The following RAB1A variants were observed in gnomAD, a reference collection of about 807,000 sequenced individuals.
RAB1A encodes the protein RAB1A, member RAS oncogene family, also known as ras-related protein Rab-1A.
Under a neutral mutation model 26.0 loss-of-function variants are expected in RAB1A, and 2 were observed. That is an observed-to-expected ratio of 0.08 (90% CI 0.03 to 0.24). The LOEUF is 0.24. Ranked by LOEUF, RAB1A falls within the 10% of genes least tolerant of loss-of-function variation. The pLI, the probability that RAB1A is intolerant of heterozygous loss-of-function variation, is 1.00. For missense variants in RAB1A, 100 were observed against 247.0 expected, an observed-to-expected ratio of 0.40 and a Z score of 3.99; for synonymous variants, 84 against 84.9, an observed-to-expected ratio of 0.99 and a Z score of 0.06.
intron 3 of RAB1A, among the ~76,000 whole-genome samples, chr2:65,093,948 C>T (rs1669227330): frequency 6.7e-6 from 1 of 148,688 alleles, no homozygotes; most frequent in Non-Finnish European, 1.5e-5. Flanking sequence ...AAACACCAGT[C>T]ACAGAAGTGT....
At chr2:65,101,148 A>AG (rs1436033459) in intron 2 of RAB1A, among the ~76,000 whole-genome samples, 2 of 151,246 alleles carry the variant, frequency 1.3e-5, no homozygotes, top group Non-Finnish European at 2.9e-5. Context: ...TCCATCTCAA[A>AG]AAAAAAAAGA....
chr2:65,117,463 G>A (rs528342458), intron 1 of RAB1A, among the ~76,000 whole-genome samples: 1 of 152,316 alleles, frequency 6.6e-6, no homozygotes, highest in African/African-American at 2.4e-5. Context: ...CTCCCAAAGT[G>A]CTGGGATTAC....
intron 1 of RAB1A, among the ~76,000 whole-genome samples, chr2:65,117,616 G>C (rs1282250718): frequency 2.0e-5 from 3 of 152,044 alleles, no homozygotes; most frequent in Non-Finnish European, 2.9e-5. Flanking sequence ...ACCTAGGCTA[G>C]AGTGCAGTGA....
chr2:65,099,326 A>G (rs187414833), intron 2 of RAB1A, among the ~76,000 whole-genome samples: 2 of 152,380 alleles, frequency 1.3e-5, no homozygotes, highest in Middle Eastern at 3.4e-3. Context: ...TTTTAAAATT[A>G]TAACTGCTTC....
At chr2:65,124,145 G>A (rs113129671) in intron 1 of RAB1A, among the ~76,000 whole-genome samples, 5 of 151,962 alleles carry the variant, frequency 3.3e-5, no homozygotes, top group South Asian at 2.1e-4. Context: ...ACACCACCAC[G>A]CCTAGCTAAT....
chr2:65,097,204 A>T (rs1669309118), intron 3 of RAB1A, among the ~76,000 whole-genome samples: 1 of 152,182 alleles, frequency 6.6e-6, no homozygotes, highest in South Asian at 2.1e-4. Context: ...ACTCTGAAAA[A>T]TACTGAGAGA....
chr2:65,123,682 C>T (rs184847978), intron 1 of RAB1A, among the ~76,000 whole-genome samples: 2,206 of 151,704 alleles, frequency 0.015, 23 homozygotes, highest in Non-Finnish European at 0.02. Flanking sequence ...AAAAATTAGC[C>T]GGGTGTGGTG....
At chr2:65,118,570 C>T (rs1205089336) in intron 1 of RAB1A, among the ~76,000 whole-genome samples, 1 of 152,098 alleles carries the variant, frequency 6.6e-6, no homozygotes, top group East Asian at 1.9e-4. Context: ...CTCTGCCTCC[C>T]GGGTTCAAGC....
rs569696724 is a variant in RAB1A, at chr2:65,108,757, G to A, written c.24-3951C>T. 1.4e-4 allele frequency among the ~76,000 whole-genome samples: 22 copies of A among 152,192 alleles called. No homozygotes were observed. The South Asian group carries it at 4.4e-3, about 30-fold the overall frequency. On this transcript the variant is annotated intron_variant, in intron 1 of 5. Coordinates refer to ENST00000409784, the MANE Select transcript of RAB1A (RefSeq NM_004161.5). Reference sequence around the variant, plus strand: ...AGAGGCGGAGGTTGCAGTGAGTCAAGATCACATCATTGTACTTCAGCCTGG... The same window carrying A: ...AGAGGCGGAGGTTGCAGTGAGTCAAAATCACATCATTGTACTTCAGCCTGG...
rs767550010 is a variant in RAB1A, at chr2:65,088,677, G to C, written c.434C>G (p.Ser145Cys). 8.7e-6 allele frequency: 14 copies of C among 1,605,702 alleles called. No homozygotes were observed. In the South Asian group the frequency reaches 1.0e-4, roughly 12 times the overall value. ...DYTTAKEFAD[S>C]LGIPFLETSA... The stretch of plus-strand genomic sequence containing the variant: ...GGTTTCCAAAAACGGAATTCCAAGG[G>C]AATCAGCAAATTCCTAAGAGAATAA... Residue 145 changes from serine to cysteine, a missense_variant, in exon 6 of 6, where the codon TCC becomes TGC. Around this residue, in one of 2 missense-constraint regions of RAB1A, gnomAD observed 67 missense variants for 122.9 expected, o/e 0.55. Coordinates refer to ENST00000409784, the MANE Select transcript of RAB1A (RefSeq NM_004161.5).
intron 1 of RAB1A, 159 bp from the exon 2 acceptor site, chr2:65,104,965 G>A: frequency 1.3e-6 from 1 of 755,136 alleles, no homozygotes; most frequent in South Asian, 1.4e-5. Flanking sequence ...AACAGCCACA[G>A]CCCTTCTGAC....
chr2:65,122,742 A>G (rs147242285), intron 1 of RAB1A, among the ~76,000 whole-genome samples: 7,185 of 152,100 alleles, frequency 0.047, 552 homozygotes, highest in African/African-American at 0.16. Flanking sequence ...TTTGAGAGGC[A>G]GAGGCAGGTG....
At chr2:65,124,022 C>T (rs986241436) in intron 1 of RAB1A, among the ~76,000 whole-genome samples, 2 of 152,114 alleles carry the variant, frequency 1.3e-5, no homozygotes, top group African/African-American at 4.8e-5. Context: ...GAATCTCACT[C>T]TGTCACCCAG....
chr2:65,117,033 C>T (rs1669842133), intron 1 of RAB1A, among the ~76,000 whole-genome samples: 1 of 152,018 alleles, frequency 6.6e-6, no homozygotes, highest in South Asian at 2.1e-4. Flanking sequence ...TAATACATAC[C>T]TCACAAACCC....
At position 65,104,674 on chromosome 2, in the gene RAB1A, G is replaced by C. The variant is rs781073926; in HGVS notation, c.96+60C>G. The C allele has an allele frequency of 1.7e-5, 21 of 1,233,344 alleles. No homozygotes were observed. In the African/African-American group the frequency reaches 2.9e-4, roughly 17 times the overall value. 76.4% of individuals were successfully genotyped at this position (1,233,344 alleles called of 1,614,324 possible). On this transcript the variant is annotated intron_variant, in intron 2 of 5. Transcript: ENST00000409784. ...AAAACTGTTTAATTTTATCTACCTAGAAAACATACATAGCATTAATTGTAC... is the reference window on the plus strand; with the variant it reads ...AAAACTGTTTAATTTTATCTACCTACAAAACATACATAGCATTAATTGTAC...
chr2:65,125,750 G>A (rs1670083016), intron 1 of RAB1A, among the ~76,000 whole-genome samples: 1 of 150,790 alleles, frequency 6.6e-6, no homozygotes, highest in African/African-American at 2.4e-5. Flanking sequence ...AATAATCACT[G>A]CCTGCTTCAA....
intron 2 of RAB1A, among the ~76,000 whole-genome samples, chr2:65,098,914 C>T (rs1272085193): frequency 6.8e-6 from 1 of 147,502 alleles, no homozygotes; most frequent in Non-Finnish European, 1.5e-5. Context: ...CAGCTCACTG[C>T]AACCTCTGTC....
At chr2:65,098,970 G>A (rs1013966749) in intron 2 of RAB1A, among the ~76,000 whole-genome samples, 1 of 150,958 alleles carries the variant, frequency 6.6e-6, no homozygotes, top group African/African-American at 2.4e-5. Flanking sequence ...CTGAGTAGTA[G>A]GGACTACAGG....
chr2:65,118,019 C>T (rs1264017663), intron 1 of RAB1A, among the ~76,000 whole-genome samples: 1 of 152,190 alleles, frequency 6.6e-6, no homozygotes, highest in African/African-American at 2.4e-5. Context: ...TCTTCTCTGC[C>T]TCTGTTTCCT....
Sources: allele counts gnomAD v4.1 joint callset (sites outside exome capture counted in the v4.1 genomes callset), GRCh38; gene constraint gnomAD v4.1.1; regional missense constraint gnomAD v4.1.1; transcripts MANE v1.5; gene names NCBI Gene and HGNC (gene_info 2026-07-23, HGNC 2026-07-21).